Variants in ZNF777 observed in about 807,000 individuals in gnomAD.
ZNF777 encodes the protein zinc finger protein 777.
In ZNF777, 7 loss-of-function variants were observed where a neutral mutation model predicts 72.1. That is an observed-to-expected ratio of 0.10 (90% CI 0.06 to 0.18). ZNF777 has a LOEUF of 0.18. ZNF777 is among the 10% of genes least tolerant of loss of function. ZNF777 has a pLI of 1.00. For synonymous variants in ZNF777, 545 were observed against 483.5 expected (o/e 1.13, Z -1.67); for missense variants, 828 against 1,128.6 (o/e 0.73, Z 3.82).
Position 149,455,919 on chromosome 7 carries a change from G to T in ZNF777, c.104C>A (p.Ser35Tyr). Residue 35 changes from serine to tyrosine, a missense_variant, in exon 2 of 6, where the codon TCC becomes TAC. Around this residue, in one of 12 missense-constraint regions of ZNF777, gnomAD observed 222 missense variants for 211.2 expected, o/e 1.05. Transcript: ENST00000247930. The surrounding 1 kb of genome is among the most constrained non-coding windows in gnomAD (Gnocchi z 4.2). ...AGLPRETLFQSRVLPPKEIPS... is the reference protein window; with the variant it reads ...AGLPRETLFQYRVLPPKEIPS... Reference sequence around the variant, plus strand: ...AATTTCTTTGGGAGGAAGAACGCGGGATTGGAACAGAGTTTCTCGGGGGAG... The same window carrying T: ...AATTTCTTTGGGAGGAAGAACGCGGTATTGGAACAGAGTTTCTCGGGGGAG... The T allele has an allele frequency of 1.2e-6, 2 of 1,613,868 alleles. No individual in the cohort carries two copies. The highest frequency in any genetic ancestry group is 1.7e-6 in the Non-Finnish European group (2 of 1,179,992).
chr7:149,451,482 G>C (rs1799715822), intron 3 of ZNF777, among the ~76,000 whole-genome samples: 1 of 152,158 alleles, frequency 6.6e-6, no homozygotes, highest in South Asian at 2.1e-4. Flanking sequence ...CCTGAGGTCA[G>C]GAGTTCGGGA....
rs200852671 is a variant in ZNF777, at chr7:149,436,530, G to A, written c.1339+45C>T. ...CCCAGGGGGCAGGGGCCCTCTGGGA[G>A]GCCTCATGGCAACCCTTCCCCGGCC... On this transcript the variant is annotated intron_variant, in intron 5 of 5. Coordinates refer to ENST00000247930, the MANE Select transcript of ZNF777 (RefSeq NM_015694.3). This position sits in a 1 kb window ranked among gnomAD's most constrained non-coding sequence, Gnocchi z 5.0. 1,226 of 1,543,274 alleles carry A rather than the reference G, an allele frequency of 7.9e-4. 1 individual carries two copies. Among genetic ancestry groups the A allele is most frequent in the Non-Finnish European group, 9.8e-4 (1,116 of 1,143,998 alleles).
At chr7:149,433,470 G>A (rs1299945064) in intron 5 of ZNF777, among the ~76,000 whole-genome samples, 2 of 152,158 alleles carry the variant, frequency 1.3e-5, no homozygotes, top group Non-Finnish European at 2.9e-5. Context: ...CCCCTCTGAG[G>A]ACATCTCTGC....
intron 4 of ZNF777, among the ~76,000 whole-genome samples, chr7:149,437,975 C>G (rs1245899169): frequency 2.6e-5 from 4 of 151,710 alleles, no homozygotes; most frequent in Non-Finnish European, 5.9e-5. Context: ...CGCCTCCCAA[C>G]TTCAAGCGAT....
Position 149,455,072 on chromosome 7 carries a change from T to C in ZNF777, c.846+105A>G. On this transcript the variant is annotated intron_variant, in intron 2 of 5. Transcript: ENST00000247930. The surrounding 1 kb of genome is among the most constrained non-coding windows in gnomAD (Gnocchi z 4.2). The stretch of plus-strand genomic sequence containing the variant: ...GTCCTAGCAACTGGGATCACTGTAT[T>C]TTTTCCTTTATCAACCACCCCTTTC... The C allele has an allele frequency of 7.1e-7, 1 of 1,405,160 alleles. No homozygotes were observed. 87.0% of individuals were successfully genotyped at this position (1,405,160 alleles called of 1,614,324 possible).
At chr7:149,454,579 C>T (rs1258491076) in intron 2 of ZNF777, among the ~76,000 whole-genome samples, 1 of 152,108 alleles carries the variant, frequency 6.6e-6, no homozygotes, top group Non-Finnish European at 1.5e-5. Flanking sequence ...TGAGACATAC[C>T]GGGCTAGAGA....
chr7:149,440,683 T>C (rs1307964873), intron 4 of ZNF777, among the ~76,000 whole-genome samples: 1 of 148,296 alleles, frequency 6.7e-6, no homozygotes, highest in Admixed American at 6.8e-5. Flanking sequence ...GTTTTTTTTT[T>C]TTTTTTTTTA....
rs751930761 is a variant in ZNF777, at chr7:149,431,732, C to T, written c.*44G>A. On this transcript the variant is annotated 3_prime_UTR_variant, in exon 6 of 6. Transcript: ENST00000247930. ...GGGCCTGGCGGTGTCCGAGGGGGGG[C>T]ACGGCCCGCGCACCTGGCCGGGCGG... is the stretch of plus-strand genomic sequence containing the variant. 3 of 1,302,136 alleles carry T rather than the reference C, an allele frequency of 2.3e-6. No individual in the cohort carries two copies. Among genetic ancestry groups the T allele is most frequent in the South Asian group, 3.4e-5 (2 of 59,650 alleles). 80.7% of individuals were successfully genotyped at this position (1,302,136 alleles called of 1,614,324 possible).
intron 3 of ZNF777, 94 bp from the exon 4 acceptor site, chr7:149,451,206 G>T (rs1055535285): frequency 1.8e-6 from 2 of 1,121,974 alleles, no homozygotes; most frequent in Non-Finnish European, 2.6e-6. Flanking sequence ...TCCAGGAGCA[G>T]CTCCTCGACT....
chr7:149,450,171 A>G (rs1478849599), intron 4 of ZNF777, among the ~76,000 whole-genome samples: 1 of 152,218 alleles, frequency 6.6e-6, no homozygotes, highest in African/African-American at 2.4e-5. Context: ...ATGACCATCA[A>G]GATAAGTGAT....
In ZNF777 at chr7:149,432,301, C is replaced by A; in HGVS notation, c.1971G>T (p.Thr657=). 1 of 1,609,604 alleles carries A rather than the reference C, an allele frequency of 6.2e-7. No homozygotes were observed. The highest frequency in any genetic ancestry group is 1.3e-5 in the African/African-American group (1 of 74,888). The part of the protein sequence containing the change: ...HKSSLTKHQI[T]HTGERPYTCP... ...ACGTGTAGGGCCGCTCACCCGTGTGCGTGATCTGGTGTTTGGTCAGGCTGG... is the reference window on the plus strand; with the variant it reads ...ACGTGTAGGGCCGCTCACCCGTGTGAGTGATCTGGTGTTTGGTCAGGCTGG... The change falls in exon 6 of 6, where the codon ACG becomes ACT. Residue 657 remains threonine (T), a synonymous_variant. Coordinates refer to ENST00000247930, the MANE Select transcript of ZNF777 (RefSeq NM_015694.3).
intron 4 of ZNF777, among the ~76,000 whole-genome samples, chr7:149,442,060 T>C (rs1265724484): frequency 6.7e-6 from 1 of 148,906 alleles, no homozygotes; most frequent in Non-Finnish European, 1.5e-5. Context: ...TACTAAAAAA[T>C]ACAAAAATTA....
chr7:149,432,527 C>T lies in ZNF777; in HGVS notation c.1745G>A (p.Ser582Asn), dbSNP rs1799332541. The T allele has an allele frequency of 1.2e-6, 2 of 1,613,944 alleles. 1 individual carries two copies. Among genetic ancestry groups the T allele is most frequent in the East Asian group, 4.5e-5 (2 of 44,864 alleles). Residue 582 changes from serine to asparagine, a missense_variant, in exon 6 of 6, where the codon AGC becomes AAC. Around this residue, in one of 12 missense-constraint regions of ZNF777, gnomAD observed 100 missense variants for 106.2 expected, o/e 0.94. Transcript: ENST00000247930. The part of the protein sequence containing the change: ...GPYECAECEI[S>N]FRHKQQLTLH... ...CGTGAGCTGTTGCTTGTGCCGGAAG[C>T]TGATCTCGCATTCGGCGCACTCGTA...
In ZNF777 at chr7:149,432,953, G is replaced by A. The variant is rs1027123915; in HGVS notation, c.1340-21C>T. The A allele has an allele frequency of 1.5e-5, 22 of 1,454,242 alleles. No individual in the cohort carries two copies. The Admixed American group carries it at 5.1e-4, about 34-fold the overall frequency. The allele number at this position is 1,454,242 out of a possible 1,614,324, so 90.1% of individuals were successfully genotyped here. ...CCCCTCTGCTCCAGGGACAGAGAGA[G>A]AAAGTCGTTAGCTGCTGCCTGGCGC... On this transcript the variant is annotated intron_variant, in intron 5 of 5. Coordinates refer to ENST00000247930, the MANE Select transcript of ZNF777 (RefSeq NM_015694.3).
chr7:149,446,473 A>G (rs993663710), intron 4 of ZNF777, among the ~76,000 whole-genome samples: 2 of 152,156 alleles, frequency 1.3e-5, no homozygotes, highest in Non-Finnish European at 2.9e-5. Flanking sequence ...TAAAAAATAT[A>G]TTTTTACTGA....
chr7:149,440,642 G>C (rs1231374837), intron 4 of ZNF777, among the ~76,000 whole-genome samples: 1 of 149,794 alleles, frequency 6.7e-6, no homozygotes, highest in African/African-American at 2.5e-5. Flanking sequence ...ACAGGCATGA[G>C]CCACCATGCC....
chr7:149,456,010 G>C lies in ZNF777; in HGVS notation c.13C>G (p.Arg5Gly). The C allele has an allele frequency of 6.3e-7, 1 of 1,580,182 alleles. No individual in the cohort carries two copies. Among genetic ancestry groups the C allele is most frequent in the Non-Finnish European group, 8.6e-7 (1 of 1,161,786 alleles). ...CTGGGGAACGACAGAGGTGATGAGC[G>C]TTGGTTCTCCATGTCCAGCTGCTGA... MENQ[R>G]SSPLSFPSVP... The change falls in exon 2 of 6, where the codon CGC (arginine) becomes GGC (glycine). Residue 5 changes from arginine (R) to glycine (G), a missense_variant. Physicochemically the swap from Arg to Gly is moderately radical, Grantham distance 125. Transcript: ENST00000247930.
intron 5 of ZNF777, 54 bp from the exon 6 acceptor site, chr7:149,432,986 C>T: frequency 6.9e-7 from 1 of 1,448,244 alleles, no homozygotes; most frequent in Non-Finnish European, 9.1e-7. Context: ...CGCCCCTAAC[C>T]TACCTGGATG....
chr7:149,433,127 A>T (rs895690163), intron 5 of ZNF777, among the ~76,000 whole-genome samples, 195 bp from the exon 6 acceptor site: 1 of 152,214 alleles, frequency 6.6e-6, no homozygotes, highest in African/African-American at 2.4e-5. Flanking sequence ...CGTAACCCAG[A>T]CTGGCCTTGC....
Sources: gnomAD v4.1 joint callset for allele counts (sites outside exome capture counted in the v4.1 genomes callset) on GRCh38, gnomAD v4.1.1 for gene constraint, gnomAD v4.1.1 regional missense constraint, Gnocchi (gnomAD v3.1) non-coding constraint, MANE v1.5 for transcripts, NCBI Gene and HGNC (gene_info 2026-07-23, HGNC 2026-07-21) for gene names.